LAMA4: variants seen among roughly 807,000 people sequenced by gnomAD.
LAMA4 encodes the protein laminin subunit alpha-4.
LAMA4 carries 127 observed loss-of-function variants against 207.1 expected under a neutral mutation model. The observed-to-expected ratio is 0.61, with a 90% CI of 0.53 to 0.71. LAMA4 has a LOEUF of 0.71. Ranked by LOEUF, LAMA4 falls within the 30% of genes least tolerant of loss-of-function variation. LAMA4 has a pLI of 0.00. For missense variants in LAMA4, 2,093 were observed against 2,246.5 expected (o/e 0.93, Z 1.38); for synonymous variants, 761 against 816.0 (o/e 0.93, Z 1.15).
chr6:112,144,785 A>C lies in LAMA4; in HGVS notation c.2493+9T>G. ...CGCTGACTGACTGATGAGTCTTTTCATCAGTTACCTTGCTGGCAACACTTC... is the reference window on the plus strand; with the variant it reads ...CGCTGACTGACTGATGAGTCTTTTCCTCAGTTACCTTGCTGGCAACACTTC... On this transcript the variant is annotated intron_variant, in intron 19 of 38. Coordinates refer to ENST00000230538, the MANE Select transcript of LAMA4 (RefSeq NM_001105206.3). The C allele has an allele frequency of 6.2e-7, 1 of 1,612,874 alleles. No individual in the cohort carries two copies. Among genetic ancestry groups the C allele is most frequent in the Non-Finnish European group, 8.5e-7 (1 of 1,179,954 alleles).
In LAMA4 at chr6:112,165,260, A is replaced by G; in HGVS notation, c.1568T>C (p.Val523Ala). Residue 523 changes from valine to alanine, a missense_variant, in exon 13 of 39, where the codon GTG becomes GCG. Val to Ala is a moderately conservative substitution (Grantham distance 64, BLOSUM62 0). This residue lies in a region of LAMA4 where 1,704 missense variants were observed against 1,788.4 expected (regional missense o/e 0.95). Coordinates refer to ENST00000230538, the MANE Select transcript of LAMA4 (RefSeq NM_001105206.3). ...GTTCACCACTTCCATTTGTTCCCTC[A>G]CTCTTTCCTGTTGTTTCTGCGGGAA... The part of the protein sequence containing the change: ...QRDHEKQQER[V>A]REQMEVVNMS... 6.2e-7 allele frequency: 1 copy of G among 1,611,464 alleles called. No individual in the cohort carries two copies. Among genetic ancestry groups the G allele is most frequent in the Non-Finnish European group, 8.5e-7 (1 of 1,177,856 alleles).
rs1345767783 is a variant in LAMA4, at chr6:112,184,709, G to A, written c.1077+528C>T. On this transcript the variant is annotated intron_variant, in intron 9 of 38. Transcript: ENST00000230538. ...TTGTTCTATTTTCTTGTGGATTTGA[G>A]ATTTATACTCAACTCTTTAAACGGG... Among the ~76,000 whole-genome samples the A allele has an allele frequency of 2.0e-5, 3 of 152,176 alleles. 1 individual carries two copies. Among genetic ancestry groups the A allele is most frequent in the East Asian group, 3.9e-4 (2 of 5,182 alleles).
At chr6:112,133,317 T>C (rs1554330503) in intron 27 of LAMA4, 32 bp downstream of exon 27, 1 of 1,610,892 alleles carries the variant, frequency 6.2e-7, no homozygotes, top group South Asian at 1.1e-5. Flanking sequence ...GTATTGTGTC[T>C]ATTAAAAAGC....
chr6:112,241,390 C>T (rs1554187736), intron 2 of LAMA4, among the ~76,000 whole-genome samples: 1 of 151,728 alleles, frequency 6.6e-6, no homozygotes, highest in African/African-American at 2.4e-5. Context: ...ATGTTCTTTA[C>T]AGACTTGTCA....
intron 3 of LAMA4, chr6:112,214,005 T>C: frequency 1.3e-6 from 1 of 759,850 alleles, no homozygotes; most frequent in Admixed American, 1.8e-5. Context: ...CTTCTCTGGC[T>C]CCCTGAGAGC....
intron 3 of LAMA4, chr6:112,214,134 CTT>C: frequency 1.7e-6 from 1 of 583,766 alleles, no homozygotes; most frequent in East Asian, 2.9e-5. Flanking sequence ...ACACCACAGA[CTT>C]AACATATTTG....
In LAMA4 at chr6:112,150,636, G is replaced by C. The variant is rs1411818228; in HGVS notation, c.2057-9C>G. The C allele has an allele frequency of 1.9e-6, 3 of 1,601,580 alleles. No individual in the cohort carries two copies. Among genetic ancestry groups the C allele is most frequent in the Non-Finnish European group, 2.6e-6 (3 of 1,168,596 alleles). On this transcript the variant is annotated splice_polypyrimidine_tract_variant and intron_variant, in intron 16 of 38. Coordinates refer to ENST00000230538, the MANE Select transcript of LAMA4 (RefSeq NM_001105206.3). ...CACTGCTTCATCACTGCCTGTGGAA[G>C]AGCAGCAGAAAGAAGTACTAGTGGA...
chr6:112,144,738 C>G, intron 19 of LAMA4, 56 bp downstream of exon 19: 2 of 1,593,084 alleles, frequency 1.3e-6, no homozygotes, highest in Non-Finnish European at 1.7e-6. Context: ...GCAGTTGGAG[C>G]TCAGCTTCGT....
chr6:112,120,365 C>A lies in LAMA4; in HGVS notation c.4583G>T (p.Arg1528Leu), dbSNP rs782805733. The change falls in exon 33 of 39, where the codon CGC (arginine) becomes CTC (leucine). Residue 1528 changes from arginine to leucine, a missense_variant. By Grantham distance (102) the Arg-to-Leu change is moderately radical. Coordinates refer to ENST00000230538, the MANE Select transcript of LAMA4 (RefSeq NM_001105206.3). Reference sequence around the variant, plus strand: ...ACCAACATTAAACATGTAAACCAAGCGGCCATGGGCCAAAAATAGAGTCAT... The same window carrying A: ...ACCAACATTAAACATGTAAACCAAGAGGCCATGGGCCAAAAATAGAGTCAT... Reference protein sequence around the residue: ...DFMTLFLAHGRLVYMFNVGHK... With the variant: ...DFMTLFLAHGLLVYMFNVGHK... The A allele has an allele frequency of 9.3e-6, 15 of 1,613,684 alleles. No homozygotes were observed. In the African/African-American group the frequency reaches 1.3e-4, roughly 14 times the overall value.
At chr6:112,169,931 C>A (rs1781615771) in intron 12 of LAMA4, among the ~76,000 whole-genome samples, 1 of 152,216 alleles carries the variant, frequency 6.6e-6, no homozygotes, top group Non-Finnish European at 1.5e-5. Context: ...TGACATTTAC[C>A]AACCACCAGC....
At chr6:112,197,151 A>G (rs1760041662) in intron 5 of LAMA4, among the ~76,000 whole-genome samples, 2 of 152,162 alleles carry the variant, frequency 1.3e-5, no homozygotes, top group Non-Finnish European at 2.9e-5. Flanking sequence ...TATTATTTTT[A>G]TCATCATGAT....
intron 22 of LAMA4, among the ~76,000 whole-genome samples, chr6:112,140,250 A>G (rs143294761): frequency 6.6e-6 from 1 of 152,316 alleles, no homozygotes; most frequent in African/African-American, 2.4e-5. Flanking sequence ...AACTAGTAAT[A>G]ATAGTCCTGA....
chr6:112,200,153 C>G (rs782719224), intron 5 of LAMA4: 2 of 533,296 alleles, frequency 3.8e-6, no homozygotes, highest in Admixed American at 3.9e-5. Context: ...AGTGGAAAGC[C>G]TCTCGTGCTC....
At chr6:112,240,950 T>A (rs1786379945) in intron 2 of LAMA4, among the ~76,000 whole-genome samples, 1 of 151,302 alleles carries the variant, frequency 6.6e-6, no homozygotes, top group Non-Finnish European at 1.5e-5. Flanking sequence ...AATTTTTATT[T>A]TTTATTTTTT....
rs786205409 is a variant in LAMA4 at position 112,109,540 on chromosome 6, G to A, written c.5369C>T (p.Thr1790Ile). The change falls in exon 39 of 39, where the codon ACA becomes ATA. Residue 1790 changes from threonine to isoleucine, a missense_variant. Thr to Ile is a moderately conservative substitution (Grantham distance 89, BLOSUM62 -1). Coordinates refer to ENST00000230538, the MANE Select transcript of LAMA4 (RefSeq NM_001105206.3). The part of the protein sequence containing the change: ...TPRLAPSKPF[T>I]GCIRHFVIDG... ...AATCACAAAGTGGCGTATGCAGCCT[G>A]TGAAGGGTTTGCTGGGGGCCAAGCG... 10 of 1,614,122 alleles carry A rather than the reference G, an allele frequency of 6.2e-6. 1 individual carries two copies. The South Asian group carries it at 7.7e-5, about 12-fold the overall frequency.
chr6:112,137,725 GAC>G (rs1270917501), intron 24 of LAMA4, among the ~76,000 whole-genome samples: 5 of 152,178 alleles, frequency 3.3e-5, no homozygotes, highest in African/African-American at 9.6e-5. Context: ...AACATTTTGA[GAC>G]ACACAGATAT....
rs587629293 is a variant in LAMA4, at chr6:112,124,780, C to T, written c.4288-2579G>A. On this transcript the variant is annotated intron_variant, in intron 31 of 38. Coordinates refer to ENST00000230538, the MANE Select transcript of LAMA4 (RefSeq NM_001105206.3). ...GTATCTTTTTTTTTTTTTTTTGAGA[C>T]AGTTTTGCTCTTGTTGCCCAGGCTG... is the stretch of plus-strand genomic sequence containing the variant. 5.7e-5 allele frequency among the ~76,000 whole-genome samples: 8 copies of T among 140,896 alleles called. No homozygotes were observed. In the East Asian group the frequency reaches 1.7e-3, roughly 29 times the overall value. 92.4% of individuals were successfully genotyped at this position (140,896 alleles called of 152,430 possible).
At position 112,130,262 on chromosome 6, in the gene LAMA4, A is replaced by T. The variant is rs1778953645; in HGVS notation, c.3969-222T>A. On this transcript the variant is annotated intron_variant, in intron 29 of 38. Coordinates refer to ENST00000230538, the MANE Select transcript of LAMA4 (RefSeq NM_001105206.3). ...ACCAAGATTGGAATTTAAACCCGTA[A>T]GGCAAGAAATTCAGATGACTAGTCA... 3 of 560,164 alleles carry T rather than the reference A, an allele frequency of 5.4e-6. No homozygotes were observed. The South Asian group carries it at 6.1e-5, about 11-fold the overall frequency. The allele number at this position is 560,164 out of a possible 1,614,324, so 34.7% of individuals were successfully genotyped here. A position where few individuals can be genotyped will look rare whatever the true frequency, so the allele number is the denominator to read the frequency against.
intron 2 of LAMA4, among the ~76,000 whole-genome samples, chr6:112,252,507 A>C (rs1356227070): frequency 6.6e-6 from 1 of 152,226 alleles, no homozygotes; most frequent in East Asian, 1.9e-4. Context: ...ATGCCCGGAT[A>C]AATTTGAATT....
Sources: gnomAD v4.1 joint callset for allele counts (sites outside exome capture counted in the v4.1 genomes callset) on GRCh38, gnomAD v4.1.1 for gene constraint, gnomAD v4.1.1 regional missense constraint, MANE v1.5 for transcripts, NCBI Gene and HGNC (gene_info 2026-07-23, HGNC 2026-07-21) for gene names.